The following CNTN5 variants were observed in gnomAD, a reference collection of about 807,000 sequenced individuals.
The protein encoded by CNTN5 is contactin 5.
A neutral mutation model predicts 129.1 loss-of-function variants in CNTN5; 77 were observed. The ratio of observed to expected loss-of-function variants is 0.60; its 90% CI spans 0.50 to 0.72. CNTN5 has a LOEUF of 0.72. CNTN5 is among the 30% of genes least tolerant of loss of function. The pLI is 0.00. For missense variants in CNTN5, 1,478 were observed against 1,328.8 expected, an observed-to-expected ratio of 1.11 and a Z score of -1.75; for synonymous variants, 509 against 465.6, an observed-to-expected ratio of 1.09 and a Z score of -1.20.
intron 1 of CNTN5, among the ~76,000 whole-genome samples, chr11:99,170,804 A>G (rs1179680595): frequency 6.6e-6 from 1 of 152,240 alleles, no homozygotes; most frequent in Non-Finnish European, 1.5e-5. Context: ...GCAGGCACAC[A>G]TATAAGTTCA....
chr11:99,570,002 G>T (rs1949126566), intron 3 of CNTN5, among the ~76,000 whole-genome samples: 2 of 151,388 alleles, frequency 1.3e-5, no homozygotes, highest in African/African-American at 2.4e-5. Flanking sequence ...AGAAAGTAAA[G>T]AAAAAAACAA....
intron 3 of CNTN5, among the ~76,000 whole-genome samples, chr11:99,713,489 T>G (rs1167524844): frequency 2.0e-5 from 3 of 152,044 alleles, no homozygotes; most frequent in African/African-American, 7.2e-5. Flanking sequence ...ACCCTTTATT[T>G]CTTTGTCTTA....
At chr11:99,051,170 T>A (rs1864412913) in intron 1 of CNTN5, among the ~76,000 whole-genome samples, 1 of 151,902 alleles carries the variant, frequency 6.6e-6, no homozygotes, top group African/African-American at 2.4e-5. Flanking sequence ...TCAGGAGATG[T>A]GTACTTTTCT....
At position 99,284,173 on chromosome 11, in the gene CNTN5, G is replaced by T. The variant is rs994818326; in HGVS notation, c.-209-41173G>T. On this transcript the variant is annotated intron_variant, in intron 1 of 24. Transcript: ENST00000524871. ...ACACCAGGCTAGTCTCATACTAGAG[G>T]TGTAATTGTTTTTGGAATTTATTGG... is the stretch of plus-strand genomic sequence containing the variant. Among the ~76,000 whole-genome samples the T allele has an allele frequency of 2.6e-5, 4 of 152,088 alleles. No individual in the cohort carries two copies. In the East Asian group the frequency reaches 5.8e-4, roughly 22 times the overall value.
intron 8 of CNTN5, among the ~76,000 whole-genome samples, chr11:99,973,744 T>G (rs12417283): frequency 0.029 from 4,416 of 152,306 alleles, 198 homozygotes; most frequent in East Asian, 0.2. Flanking sequence ...ATCATTTTTA[T>G]TATCCAGTAT....
intron 7 of CNTN5, among the ~76,000 whole-genome samples, chr11:99,930,321 C>G (rs1012253494): frequency 6.6e-6 from 1 of 152,124 alleles, no homozygotes; most frequent in African/African-American, 2.4e-5. Context: ...TGAACATGTC[C>G]CAAGAGGAAG....
intron 9 of CNTN5, among the ~76,000 whole-genome samples, chr11:100,018,184 G>C (rs1940937157): frequency 6.6e-6 from 1 of 151,898 alleles, no homozygotes; most frequent in Non-Finnish European, 1.5e-5. Context: ...TGTTTAAACT[G>C]TAGAATTTAA....
At chr11:100,154,469 G>C (rs34791598) in intron 13 of CNTN5, among the ~76,000 whole-genome samples, 19,236 of 152,070 alleles carry the variant, frequency 0.13, 1,206 homozygotes, top group African/African-American at 0.14. Flanking sequence ...TGTGAACAGT[G>C]CCACAATAAA....
At position 99,931,752 on chromosome 11, in the gene CNTN5, A is replaced by G. The variant is rs1345932513; in HGVS notation, c.673+15603A>G. On this transcript the variant is annotated intron_variant, in intron 7 of 24. Transcript: ENST00000524871. Reference sequence around the variant, plus strand: ...TTAAATGCAGACAAGTTAGTGTGCAATATTTGCTAGTAGTGCTTGCTCTAA... The same window carrying G: ...TTAAATGCAGACAAGTTAGTGTGCAGTATTTGCTAGTAGTGCTTGCTCTAA... 7.9e-5 allele frequency among the ~76,000 whole-genome samples: 12 copies of G among 152,320 alleles called. 1 individual carries two copies. The South Asian group carries it at 1.4e-3, about 18-fold the overall frequency.
At chr11:100,028,286 GA>G (rs1333390097) in intron 9 of CNTN5, among the ~76,000 whole-genome samples, 3 of 152,004 alleles carry the variant, frequency 2.0e-5, no homozygotes, top group African/African-American at 7.2e-5. Flanking sequence ...AGTGACAAGA[GA>G]AAAATAAAGG....
intron 1 of CNTN5, among the ~76,000 whole-genome samples, chr11:99,258,048 C>T (rs1862456669): frequency 6.6e-6 from 1 of 152,040 alleles, no homozygotes; most frequent in South Asian, 2.1e-4. Flanking sequence ...CCCCTGAACA[C>T]CTAAAACTGA....
chr11:99,912,927 G>T (rs1949699139), intron 6 of CNTN5, among the ~76,000 whole-genome samples: 1 of 151,900 alleles, frequency 6.6e-6, no homozygotes, highest in Non-Finnish European at 1.5e-5. Context: ...TTCGTATTGT[G>T]ATTTTTATTT....
intron 15 of CNTN5, among the ~76,000 whole-genome samples, chr11:100,213,204 C>T (rs1949068469): frequency 6.6e-6 from 1 of 152,072 alleles, no homozygotes; most frequent in Non-Finnish European, 1.5e-5. Flanking sequence ...CAATCAAGCC[C>T]TATCAATATG....
chr11:99,634,562 T>C (rs148291915), intron 3 of CNTN5, among the ~76,000 whole-genome samples: 4 of 152,170 alleles, frequency 2.6e-5, no homozygotes, highest in African/African-American at 9.6e-5. Flanking sequence ...TAGTACTTGA[T>C]TCTGTCTATT....
chr11:99,454,859 G>T (rs1944439732), intron 2 of CNTN5, among the ~76,000 whole-genome samples: 1 of 151,960 alleles, frequency 6.6e-6, no homozygotes, highest in Admixed American at 6.6e-5. Flanking sequence ...ATAAATCACA[G>T]TCTATCTGTG....
At chr11:99,642,431 T>G in intron 3 of CNTN5, among the ~76,000 whole-genome samples, 1 of 152,130 alleles carries the variant, frequency 6.6e-6, no homozygotes, top group East Asian at 1.9e-4. Context: ...AATGCTGAAT[T>G]AAGCTTTTTT....
intron 7 of CNTN5, among the ~76,000 whole-genome samples, chr11:99,941,601 T>G (rs181634590): frequency 3.1e-4 from 24 of 77,666 alleles, no homozygotes; most frequent in South Asian, 4.5e-4. Context: ...GAAAGAGAGA[T>G]AGATAGAGAT....
chr11:99,422,518 TTATATATATATATA>T (rs71046684), intron 2 of CNTN5, among the ~76,000 whole-genome samples: 17,698 of 83,574 alleles, frequency 0.21, 1,430 homozygotes, highest in East Asian at 0.35. Context: ...CTTTATATTT[TTATATATATATATA>T]TATATATATA....
chr11:99,068,588 C>T (rs1243502152), intron 1 of CNTN5, among the ~76,000 whole-genome samples: 1 of 152,154 alleles, frequency 6.6e-6, no homozygotes, highest in Non-Finnish European at 1.5e-5. Context: ...AATACACTGG[C>T]CAGTTCTTAA....
Sources: gnomAD v4.1 joint callset for allele counts (sites outside exome capture counted in the v4.1 genomes callset) on GRCh38, gnomAD v4.1.1 for gene constraint, MANE v1.5 for transcripts, NCBI Gene and HGNC (gene_info 2026-07-23, HGNC 2026-07-21) for gene names.